Variants in ARMC9 observed in about 807,000 individuals in gnomAD.
The protein encoded by ARMC9 is armadillo repeat containing 9.
Under a neutral mutation model 107.0 loss-of-function variants are expected in ARMC9, and 94 were observed. The observed-to-expected ratio is 0.88, with a 90% confidence interval of 0.74 to 1.04. ARMC9 has a LOEUF of 1.04. Among genes scored for constraint, ARMC9 ranks in the 50% least tolerant of loss-of-function variants. The pLI is 0.00. For synonymous variants in ARMC9, 380 were observed against 396.9 expected, an observed-to-expected ratio of 0.96 and a Z score of 0.51; for missense variants, 942 against 1,030.1, an observed-to-expected ratio of 0.91 and a Z score of 1.17.
chr2:231,246,919 AGCAG>A (rs1035269207), intron 9 of ARMC9, among the ~76,000 whole-genome samples: 1 of 151,330 alleles, frequency 6.6e-6, no homozygotes, highest in Non-Finnish European at 1.5e-5. Flanking sequence ...CAGTCTCCCA[AGCAG>A]CTGGGACTAC....
intron 8 of ARMC9, 88 bp downstream of exon 8, chr2:231,235,469 C>T: frequency 6.8e-7 from 1 of 1,464,662 alleles, no homozygotes. Flanking sequence ...CAGGTGGAGC[C>T]TGCCTCTCTC....
chr2:231,347,301 C>T, intron 21 of ARMC9, among the ~76,000 whole-genome samples: 1 of 152,196 alleles, frequency 6.6e-6, no homozygotes, highest in East Asian at 1.9e-4. Flanking sequence ...TCTCAACAAA[C>T]ATTTTTATCA....
At chr2:231,238,543 G>T (rs2035986049) in intron 8 of ARMC9, among the ~76,000 whole-genome samples, 1 of 152,048 alleles carries the variant, frequency 6.6e-6, no homozygotes, top group African/African-American at 2.4e-5. Flanking sequence ...ATTAGAGATG[G>T]TATTTCACTA....
chr2:231,285,101 G>A (rs2040491244), intron 17 of ARMC9, among the ~76,000 whole-genome samples: 1 of 152,092 alleles, frequency 6.6e-6, no homozygotes, highest in African/African-American at 2.4e-5. Context: ...AGGAGGCTGA[G>A]GCAGGAAAAT....
chr2:231,375,584 A>G lies in ARMC9; in HGVS notation c.*4049A>G, dbSNP rs1325557596. Among the ~76,000 whole-genome samples, 1 of 152,232 alleles carries G rather than the reference A, an allele frequency of 6.6e-6. No homozygotes were observed. Among genetic ancestry groups the G allele is most frequent in the East Asian group, 1.9e-4 (1 of 5,194 alleles). Reference sequence around the variant, plus strand: ...GCTGCAGTGTGTCAGATGTGGAGACATGGTCCCACTGGCTTTCAAGTTGCC... The same window carrying G: ...GCTGCAGTGTGTCAGATGTGGAGACGTGGTCCCACTGGCTTTCAAGTTGCC... On this transcript the variant is annotated 3_prime_UTR_variant, in exon 25 of 25. Coordinates refer to ENST00000611582, the MANE Select transcript of ARMC9 (RefSeq NM_001352754.2). The surrounding 1 kb of genome is among the most constrained non-coding windows in gnomAD (Gnocchi z 4.3).
intron 12 of ARMC9, among the ~76,000 whole-genome samples, chr2:231,264,155 G>A (rs1334456696): frequency 6.6e-6 from 1 of 152,146 alleles, no homozygotes; most frequent in Non-Finnish European, 1.5e-5. Flanking sequence ...TCTTCCTCAA[G>A]TCATTATATG....
Position 231,371,747 on chromosome 2 carries a change from G to A in ARMC9, c.*212G>A. The A allele has an allele frequency of 2.4e-6, 1 of 424,096 alleles. No homozygotes were observed. The highest frequency in any genetic ancestry group is 4.0e-6 in the Non-Finnish European group (1 of 251,042). The allele number at this position is 424,096 out of a possible 1,614,324, so 26.3% of individuals were successfully genotyped here. A position where few individuals can be genotyped will look rare whatever the true frequency, so the allele number is the denominator to read the frequency against. On this transcript the variant is annotated 3_prime_UTR_variant, in exon 25 of 25. Transcript: ENST00000611582. Reference sequence around the variant, plus strand: ...TCTCCCAGGGCAGAGCCACCAAGGAGGGCTGGGGAGAGCCTGGCATTGCCC... The same window carrying A: ...TCTCCCAGGGCAGAGCCACCAAGGAAGGCTGGGGAGAGCCTGGCATTGCCC...
intron 19 of ARMC9, among the ~76,000 whole-genome samples, chr2:231,322,918 C>G (rs906920210): frequency 6.6e-6 from 1 of 152,150 alleles, no homozygotes; most frequent in Non-Finnish European, 1.5e-5. Flanking sequence ...TAAAATATGT[C>G]GTTTCGTTTG....
chr2:231,254,098 C>A (rs1010998498), intron 9 of ARMC9, among the ~76,000 whole-genome samples: 2 of 151,980 alleles, frequency 1.3e-5, no homozygotes, highest in African/African-American at 4.8e-5. Context: ...TTGCATGCCT[C>A]ATTCACACCA....
chr2:231,350,360 T>A (rs1263992695), intron 21 of ARMC9, among the ~76,000 whole-genome samples: 1 of 152,110 alleles, frequency 6.6e-6, no homozygotes, highest in Non-Finnish European at 1.5e-5. Context: ...AATATTACGG[T>A]ACTTTGTTAG....
intron 15 of ARMC9, 106 bp from the exon 16 acceptor site, chr2:231,278,276 C>T (rs1488153220): frequency 7.3e-6 from 8 of 1,096,328 alleles, no homozygotes; most frequent in Non-Finnish European, 1.1e-5. Flanking sequence ...CGAGGTCATA[C>T]AGCTCATGAG....
chr2:231,361,093 CAGTCA>C (rs1172179405), intron 23 of ARMC9, among the ~76,000 whole-genome samples: 3 of 152,210 alleles, frequency 2.0e-5, no homozygotes, highest in African/African-American at 7.2e-5. Context: ...TGAGAGCCAT[CAGTCA>C]GACGGGAAGG....
chr2:231,364,313 T>A (rs1026955248), intron 23 of ARMC9, among the ~76,000 whole-genome samples: 7 of 152,238 alleles, frequency 4.6e-5, no homozygotes, highest in African/African-American at 1.4e-4. Flanking sequence ...GAGGAGCTCC[T>A]CGCACTCAGG....
chr2:231,267,967 T>C (rs1000856688), intron 12 of ARMC9, among the ~76,000 whole-genome samples: 9 of 152,282 alleles, frequency 5.9e-5, no homozygotes, highest in African/African-American at 1.9e-4. Context: ...GCAACCCAAA[T>C]GTCCATCAGC....
At chr2:231,243,371 C>T (rs2036474518) in intron 9 of ARMC9, among the ~76,000 whole-genome samples, 1 of 152,166 alleles carries the variant, frequency 6.6e-6, no homozygotes, top group Non-Finnish European at 1.5e-5. Context: ...GGAGATCGCA[C>T]CACTGCACTC....
intron 9 of ARMC9, among the ~76,000 whole-genome samples, chr2:231,244,312 G>A (rs147710051): frequency 4.0e-5 from 6 of 151,656 alleles, no homozygotes; most frequent in Admixed American, 2.0e-4. Context: ...GGAAAAAGGA[G>A]CTGAAAATAT....
chr2:231,280,563 A>G (rs971298876), intron 16 of ARMC9, among the ~76,000 whole-genome samples: 1 of 152,210 alleles, frequency 6.6e-6, no homozygotes, highest in Non-Finnish European at 1.5e-5. Context: ...GAGCCAAGTA[A>G]TATGTTTGCT....
intron 16 of ARMC9, among the ~76,000 whole-genome samples, chr2:231,279,979 T>G (rs1377423587): frequency 2.0e-5 from 3 of 152,236 alleles, no homozygotes. Flanking sequence ...CTTCCAGGCC[T>G]GAATGAACTC....
rs776773208 is a variant in ARMC9 at position 231,240,044 on chromosome 2, G to A, written c.879+3G>A. 1.9e-6 allele frequency: 3 copies of A among 1,611,378 alleles called. No individual in the cohort carries two copies. The highest frequency in any genetic ancestry group is 2.5e-6 in the Non-Finnish European group (3 of 1,178,470). Reference sequence around the variant, plus strand: ...TGGACTTCACGAGGCCTGGGACGGTGAGGCTCTGCGCTCAGGGCAGGGTGC... The same window carrying A: ...TGGACTTCACGAGGCCTGGGACGGTAAGGCTCTGCGCTCAGGGCAGGGTGC... On this transcript the variant is annotated splice_donor_region_variant and intron_variant, in intron 9 of 24. Transcript: ENST00000611582.
Sources: gnomAD v4.1 joint callset for allele counts (sites outside exome capture counted in the v4.1 genomes callset) on GRCh38, gnomAD v4.1.1 for gene constraint, Gnocchi (gnomAD v3.1) non-coding constraint, MANE v1.5 for transcripts, NCBI Gene and HGNC (gene_info 2026-07-23, HGNC 2026-07-21) for gene names.